The following THSD4 variants were observed in gnomAD, a reference collection of about 807,000 sequenced individuals.
THSD4 encodes the protein thrombospondin type-1 domain-containing protein 4.
A neutral mutation model predicts 119.0 loss-of-function variants in THSD4; 69 were observed. The ratio of observed to expected loss-of-function variants is 0.58; its 90% CI spans 0.48 to 0.71. The LOEUF (loss-of-function observed/expected upper bound fraction) is 0.71, where lower values mean the gene tolerates loss of function less well. Among genes scored for constraint, THSD4 ranks in the 30% least tolerant of loss-of-function variants. The pLI, the probability that THSD4 is intolerant of heterozygous loss-of-function variation, is 0.00. For missense variants in THSD4, 1,393 were observed against 1,391.1 expected, an observed-to-expected ratio of 1.00 and a Z score of -0.02; for synonymous variants, 524 against 540.4, an observed-to-expected ratio of 0.97 and a Z score of 0.42.
intron 1 of THSD4, among the ~76,000 whole-genome samples, chr15:71,128,310 T>A (rs758448236): frequency 1.3e-5 from 2 of 152,006 alleles, no homozygotes; most frequent in Non-Finnish European, 2.9e-5. Context: ...GTAGATCACC[T>A]GAGGTCAGGA....
chr15:71,676,847 A>G (rs1010901236), intron 8 of THSD4, among the ~76,000 whole-genome samples: 3 of 152,096 alleles, frequency 2.0e-5, no homozygotes, highest in African/African-American at 7.2e-5. Flanking sequence ...TTATCCATTC[A>G]TCTGTTGATG....
chr15:71,453,874 A>G (rs74659440), intron 7 of THSD4, among the ~76,000 whole-genome samples: 1,902 of 152,292 alleles, frequency 0.012, 44 homozygotes, highest in African/African-American at 0.044. Flanking sequence ...CAGGCATGGG[A>G]GCATTGCAAA....
At chr15:71,136,480 G>A (rs1213371004) in intron 1 of THSD4, among the ~76,000 whole-genome samples, 2 of 152,180 alleles carry the variant, frequency 1.3e-5, no homozygotes, top group Non-Finnish European at 2.9e-5. Flanking sequence ...GCTTTCCTAG[G>A]CAGGTTCTGA....
At chr15:71,696,033 CAAT>C (rs1296834811) in intron 8 of THSD4, among the ~76,000 whole-genome samples, 2 of 152,180 alleles carry the variant, frequency 1.3e-5, no homozygotes, top group African/African-American at 4.8e-5. Context: ...AGAGAGGCCT[CAAT>C]AAATGTTAGC....
At chr15:71,563,687 A>G (rs2049171308) in intron 7 of THSD4, among the ~76,000 whole-genome samples, 1 of 152,124 alleles carries the variant, frequency 6.6e-6, no homozygotes, top group Admixed American at 6.5e-5. Flanking sequence ...TTAGCCTCTG[A>G]TTTTCATGTT....
intron 6 of THSD4, among the ~76,000 whole-genome samples, chr15:71,369,060 G>A (rs1346329037): frequency 2.0e-5 from 3 of 152,144 alleles, no homozygotes; most frequent in African/African-American, 7.2e-5. Flanking sequence ...GTGAATGGGA[G>A]TTCACTCATG....
At chr15:71,135,042 A>C (rs1340189729) in intron 1 of THSD4, among the ~76,000 whole-genome samples, 1 of 146,558 alleles carries the variant, frequency 6.8e-6, no homozygotes, top group Non-Finnish European at 1.5e-5. Context: ...CAGCCATAAA[A>C]AATGATGAGT....
chr15:71,642,597 A>C (rs924983046), intron 7 of THSD4, among the ~76,000 whole-genome samples: 13 of 152,218 alleles, frequency 8.5e-5, no homozygotes, highest in Non-Finnish European at 1.3e-4. Context: ...TGGCACATAT[A>C]CACCATGGAA....
At chr15:71,231,162 G>A (rs1175791934) in intron 4 of THSD4, among the ~76,000 whole-genome samples, 2 of 152,218 alleles carry the variant, frequency 1.3e-5, no homozygotes, top group Non-Finnish European at 2.9e-5. Context: ...CTTGTTCTTA[G>A]GGAAACTTGG....
At chr15:71,102,657 C>A (rs1053415224) in intron 1 of THSD4, among the ~76,000 whole-genome samples, 13 of 152,098 alleles carry the variant, frequency 8.5e-5, no homozygotes, top group South Asian at 4.1e-4. Context: ...CTCCACCTCC[C>A]GGATTTAAGA....
intron 3 of THSD4, chr15:71,186,243 T>C (rs1446656010): frequency 2.6e-5 from 4 of 152,192 alleles, no homozygotes; most frequent in South Asian, 4.2e-4. Flanking sequence ...GGATGAGGAA[T>C]AGCAAATACA....
rs144688066 is a variant in THSD4, at chr15:71,716,665, C to T, written c.1358-11884C>T. Among the ~76,000 whole-genome samples the T allele has an allele frequency of 1.9e-4, 29 of 151,480 alleles. No homozygotes were observed. The South Asian group carries it at 4.2e-3, about 22-fold the overall frequency. On this transcript the variant is annotated intron_variant, in intron 8 of 17. Transcript: ENST00000261862. ...TACTTGTGGGGTGATGCCAGGCCAG[C>T]GAGTGGGCTGTTATCCTGCCCAGCC...
At chr15:71,192,199 G>C (rs1278009947) in intron 3 of THSD4, among the ~76,000 whole-genome samples, 1 of 151,994 alleles carries the variant, frequency 6.6e-6, no homozygotes, top group Admixed American at 6.6e-5. Context: ...ACCGCACCTG[G>C]CCTTCTTGAC....
chr15:71,772,619 G>C (rs1212380864), intron 17 of THSD4, among the ~76,000 whole-genome samples: 1 of 152,054 alleles, frequency 6.6e-6, no homozygotes, highest in Non-Finnish European at 1.5e-5. Flanking sequence ...CTATTAGGTT[G>C]GTGCAAAAGT....
intron 1 of THSD4, among the ~76,000 whole-genome samples, chr15:71,136,251 T>G (rs183777856): frequency 8.5e-4 from 129 of 152,210 alleles, no homozygotes; most frequent in Non-Finnish European, 1.2e-3. Flanking sequence ...GGAACTGCCC[T>G]GATGTCGGGA....
intron 7 of THSD4, among the ~76,000 whole-genome samples, chr15:71,560,137 G>T (rs2049090114): frequency 6.6e-6 from 1 of 152,124 alleles, no homozygotes; most frequent in Admixed American, 6.5e-5. Flanking sequence ...AGCTTAGAAA[G>T]TTAATATGAA....
chr15:71,409,158 C>CG lies in THSD4; in HGVS notation c.1016-2529_1016-2528insG, dbSNP rs1419986738. The stretch of plus-strand genomic sequence containing the variant: ...TCTCACGTTTAGCTTTTTTTTTTCC[C>CG]CCCCCCTCAGAATGTTCTTCTGCAG... On this transcript the variant is annotated intron_variant, in intron 6 of 17. Coordinates refer to ENST00000261862, the MANE Select transcript of THSD4 (RefSeq NM_024817.3). Among the ~76,000 whole-genome samples the CG allele has an allele frequency of 2.5e-4, 22 of 89,102 alleles. No individual in the cohort carries two copies. In the South Asian group the frequency reaches 8.8e-3, roughly 35 times the overall value. 58.5% of individuals were successfully genotyped at this position (89,102 alleles called of 152,430 possible).
chr15:71,394,337 A>T (rs370014118), intron 6 of THSD4, among the ~76,000 whole-genome samples: 2 of 143,828 alleles, frequency 1.4e-5, no homozygotes, highest in Non-Finnish European at 3.0e-5. Flanking sequence ...CAGTCGTGCA[A>T]TCTTGGCTCA....
chr15:71,504,271 G>A (rs924369930), intron 7 of THSD4, among the ~76,000 whole-genome samples: 3 of 152,162 alleles, frequency 2.0e-5, no homozygotes, highest in African/African-American at 2.4e-5. Flanking sequence ...CTATGATAGG[G>A]CTCTGAATAT....
Sources: allele counts gnomAD v4.1 joint callset (sites outside exome capture counted in the v4.1 genomes callset), GRCh38; gene constraint gnomAD v4.1.1; transcripts MANE v1.5; gene names NCBI Gene and HGNC (gene_info 2026-07-23, HGNC 2026-07-21).